The following FRMD6 variants were observed in gnomAD, a reference collection of about 807,000 sequenced individuals.
The protein encoded by FRMD6 is FERM domain-containing protein 6.
Under a neutral mutation model 73.2 loss-of-function variants are expected in FRMD6, and 37 were observed. The ratio of observed to expected loss-of-function variants is 0.51; its 90% CI spans 0.39 to 0.66. FRMD6 has a LOEUF of 0.66. Among genes scored for constraint, FRMD6 ranks in the 30% least tolerant of loss-of-function variants. FRMD6 has a pLI of 0.00. For synonymous variants in FRMD6, 273 were observed against 282.2 expected (o/e 0.97, Z 0.33); for missense variants, 714 against 780.5 (o/e 0.91, Z 1.02).
At chr14:51,706,221 T>G (rs1024703327) in intron 6 of FRMD6, among the ~76,000 whole-genome samples, 1 of 152,084 alleles carries the variant, frequency 6.6e-6, no homozygotes, top group African/African-American at 2.4e-5. Context: ...AATAAAATTA[T>G]CTTCTATTTT....
intron 2 of FRMD6, among the ~76,000 whole-genome samples, chr14:51,602,481 G>A (rs1890078673): frequency 6.6e-6 from 1 of 152,204 alleles, no homozygotes. Context: ...ATAATCAAAA[G>A]AAGAAGACTA....
chr14:51,501,523 C>T (rs1883620638), intron 1 of FRMD6, among the ~76,000 whole-genome samples: 1 of 152,226 alleles, frequency 6.6e-6, no homozygotes, highest in African/African-American at 2.4e-5. Flanking sequence ...TCAGCTCCAT[C>T]CAGGTCCTTG....
At chr14:51,406,733 A>C in the FRMD6 span, among the ~76,000 whole-genome samples, 127 of 152,284 alleles carry the variant, frequency 8.3e-4, no homozygotes, top group Middle Eastern at 3.4e-3. Context: ...CACTACTTCC[A>C]TATGTATTTG....
chr14:51,692,073 A>G (rs1241613730), intron 2 of FRMD6, among the ~76,000 whole-genome samples: 2 of 152,170 alleles, frequency 1.3e-5, no homozygotes. Context: ...TTACTGCTGT[A>G]TCCTCATTTT....
Position 51,702,515 on chromosome 14 carries a change from A to G in FRMD6, c.298A>G (p.Ile100Val), listed in dbSNP as rs1405011648. 1 of 1,611,220 alleles carries G rather than the reference A, an allele frequency of 6.2e-7. No individual in the cohort carries two copies. Among genetic ancestry groups the G allele is most frequent in the Non-Finnish European group, 8.5e-7 (1 of 1,178,136 alleles). ...TTGTGTGTGCTTTTGTTTCTAGGGT[A>G]TCGACCAATTTGGGCCTCCTATGAT... ...KVRQYEVTWG[I>V]DQFGPPMIIH... is the part of the protein sequence containing the mutation. Residue 100 changes from isoleucine (I) to valine (V), a missense_variant, in exon 5 of 14, where the codon ATC becomes GTC. Ile to Val is a conservative substitution (Grantham distance 29, BLOSUM62 3). Transcript: ENST00000344768.
chr14:51,520,251 A>G (rs560150163), intron 1 of FRMD6, among the ~76,000 whole-genome samples: 1 of 152,358 alleles, frequency 6.6e-6, no homozygotes, highest in African/African-American at 2.4e-5. Context: ...CATCGAGGAA[A>G]CACAAATTAT....
chr14:51,599,058 C>CT (rs59151771), intron 2 of FRMD6, among the ~76,000 whole-genome samples: 4,800 of 72,784 alleles, frequency 0.066, 565 homozygotes, highest in Non-Finnish European at 0.094. Context: ...CAGTATCTGT[C>CT]TTTTTTTTTT....
chr14:51,608,720 A>C (rs1478086501), intron 2 of FRMD6, among the ~76,000 whole-genome samples: 1 of 152,052 alleles, frequency 6.6e-6, no homozygotes, highest in African/African-American at 2.4e-5. Flanking sequence ...CTCAACCCCC[A>C]GCCCAACTGA....
chr14:51,473,059 A>G, the FRMD6 span, among the ~76,000 whole-genome samples: 1 of 152,194 alleles, frequency 6.6e-6, no homozygotes, highest in African/African-American at 2.4e-5. Context: ...AGTCATCCAA[A>G]TGAGGGTGCC....
chr14:51,411,254 A>G, the FRMD6 span, among the ~76,000 whole-genome samples: 1 of 152,242 alleles, frequency 6.6e-6, no homozygotes, highest in Non-Finnish European at 1.5e-5. Context: ...AATGCTTAAG[A>G]GGGAGTTGGC....
intron 2 of FRMD6, among the ~76,000 whole-genome samples, chr14:51,641,557 C>T (rs542486743): frequency 4.6e-5 from 7 of 152,124 alleles, no homozygotes; most frequent in African/African-American, 9.6e-5. Flanking sequence ...GTTAGGGGAA[C>T]GGTGGAGGCA....
intron 2 of FRMD6, among the ~76,000 whole-genome samples, chr14:51,582,609 G>A (rs1226421105): frequency 6.6e-6 from 1 of 152,152 alleles, no homozygotes; most frequent in African/African-American, 2.4e-5. Flanking sequence ...AACAGGAACT[G>A]GCTTATGAAG....
the FRMD6 span, among the ~76,000 whole-genome samples, chr14:51,408,947 T>C: frequency 6.6e-6 from 1 of 152,220 alleles, no homozygotes; most frequent in Non-Finnish European, 1.5e-5. Context: ...AAAGTAAAAA[T>C]TCACCTTGAG....
chr14:51,602,037 T>C (rs1237218042), intron 2 of FRMD6, among the ~76,000 whole-genome samples: 1 of 145,808 alleles, frequency 6.9e-6, no homozygotes, highest in African/African-American at 2.6e-5. Flanking sequence ...TCAAAAATGT[T>C]TTCCCCAACA....
chr14:51,641,948 C>T (rs533949276), intron 2 of FRMD6, among the ~76,000 whole-genome samples: 1 of 152,108 alleles, frequency 6.6e-6, no homozygotes, highest in Non-Finnish European at 1.5e-5. Context: ...CCAAGGACCA[C>T]TAGAAGTGAC....
chr14:51,604,129 T>C (rs1454463642), intron 2 of FRMD6, among the ~76,000 whole-genome samples: 1 of 152,100 alleles, frequency 6.6e-6, no homozygotes, highest in Non-Finnish European at 1.5e-5. Flanking sequence ...CTACTTGCAA[T>C]AGTGAGAGAC....
At position 51,682,773 on chromosome 14, in the gene FRMD6, C is replaced by T. The variant is rs565153594; in HGVS notation, c.-146-6918C>T. Among the ~76,000 whole-genome samples, 147 of 152,262 alleles carry T rather than the reference C, an allele frequency of 9.7e-4. 1 individual carries two copies. The highest frequency in any genetic ancestry group is 3.4e-3 in the African/African-American group (142 of 41,544). ...AGAAGAGCAGCTCTCTCCTTCCCAG[C>T]GTTTATATCACAAATTTCATGGAGG... is the stretch of plus-strand genomic sequence containing the variant. On this transcript the variant is annotated intron_variant, in intron 1 of 13. Coordinates refer to ENST00000344768, the MANE Select transcript of FRMD6 (RefSeq NM_001267046.2).
chr14:51,429,756 T>C, the FRMD6 span, among the ~76,000 whole-genome samples: 1 of 152,256 alleles, frequency 6.6e-6, no homozygotes, highest in Admixed American at 6.5e-5. Context: ...TTATTTTTAA[T>C]ATTTATAAAA....
chr14:51,682,780 A>G (rs2140313160), intron 1 of FRMD6, among the ~76,000 whole-genome samples: 1 of 152,302 alleles, frequency 6.6e-6, no homozygotes, highest in East Asian at 1.9e-4. Flanking sequence ...CAGCGTTTAT[A>G]TCACAAATTT....
Sources: allele counts gnomAD v4.1 joint callset (sites outside exome capture counted in the v4.1 genomes callset), GRCh38; gene constraint gnomAD v4.1.1; transcripts MANE v1.5; gene names NCBI Gene and HGNC (gene_info 2026-07-23, HGNC 2026-07-21).